ZNF257: variants seen among roughly 807,000 people sequenced by gnomAD.
ZNF257 encodes the protein bone marrow zinc finger 4.
ZNF257 carries 12 observed loss-of-function variants against 11.9 expected under a neutral mutation model. The ratio of observed to expected loss-of-function variants is 1.01; its 90% CI spans 0.65 to 1.63. The LOEUF (loss-of-function observed/expected upper bound fraction) is 1.63, where lower values mean the gene tolerates loss of function less well. ZNF257 is among the 40% of genes most tolerant of loss of function. The pLI is 0.00. For missense variants in ZNF257, 580 were observed against 665.5 expected (o/e 0.87, Z 1.41); for synonymous variants, 183 against 222.7 (o/e 0.82, Z 1.59).
At chr19:22,064,176 T>C (rs1568481857) in intron 1 of ZNF257, 1 of 152,224 alleles carries the variant, frequency 6.6e-6, no homozygotes, top group Non-Finnish European at 1.5e-5. Context: ...CAAGAACACG[T>C]CCAGAAAACC....
intron 1 of ZNF257, among the ~76,000 whole-genome samples, chr19:22,054,074 T>TC (rs147379303): frequency 0.23 from 34,635 of 149,496 alleles, 5,382 homozygotes; most frequent in African/African-American, 0.45. Flanking sequence ...GATTTGTTTT[T>TC]CTTTTTTTTT....
intron 3 of ZNF257, among the ~76,000 whole-genome samples, chr19:22,082,655 A>G (rs889354130): frequency 2.6e-5 from 4 of 152,164 alleles, no homozygotes; most frequent in Non-Finnish European, 5.9e-5. Context: ...ATTTTCAAGT[A>G]AACTCTGTAT....
chr19:22,090,508 A>G lies in ZNF257; in HGVS notation c.*1066A>G, dbSNP rs906485048. The G allele has an allele frequency of 6.6e-6, 1 of 152,170 alleles. No individual in the cohort carries two copies. The highest frequency in any genetic ancestry group is 6.5e-5 in the Admixed American group (1 of 15,278). The allele number at this position is 152,170 out of a possible 1,614,324, so 9.4% of individuals were successfully genotyped here. ...TACTTTTGCAGATGCAATAAATACA[A>G]AGAAATATTTAATTCAAATTGAGTT... On this transcript the variant is annotated 3_prime_UTR_variant, in exon 4 of 4. Coordinates refer to ENST00000594947, the MANE Select transcript of ZNF257 (RefSeq NM_033468.4).
rs2022616533 is a variant in ZNF257, at chr19:22,091,161, G to A, written c.*1719G>A. ...TAAATATTTTCTTTTACCACGTTAA[G>A]ACTATTGTACGTTCAGGCCGGGCAC... On this transcript the variant is annotated 3_prime_UTR_variant, in exon 4 of 4. Coordinates refer to ENST00000594947, the MANE Select transcript of ZNF257 (RefSeq NM_033468.4). 1 of 151,948 alleles carries A rather than the reference G, an allele frequency of 6.6e-6. No individual in the cohort carries two copies. The highest frequency in any genetic ancestry group is 2.1e-4 in the South Asian group (1 of 4,824). The allele number at this position is 151,948 out of a possible 1,614,324, so 9.4% of individuals were successfully genotyped here.
At position 22,089,426 on chromosome 19, in the gene ZNF257, C is replaced by G; in HGVS notation, c.1676C>G (p.Thr559Ser). ...GCTTGTAACCATTCCTCAAACCTTACTAAACATAATTCATAATGGAGAAAA... is the reference window on the plus strand; with the variant it reads ...GCTTGTAACCATTCCTCAAACCTTAGTAAACATAATTCATAATGGAGAAAA... ...GKACNHSSNL[T>S]KHNS Residue 559 changes from threonine (T) to serine (S), a missense_variant, in exon 4 of 4, where the codon ACT becomes AGT. Transcript: ENST00000594947. 10 of 1,608,600 alleles carry G rather than the reference C, an allele frequency of 6.2e-6. No individual in the cohort carries two copies. Among genetic ancestry groups the G allele is most frequent in the Non-Finnish European group, 8.5e-6 (10 of 1,177,320 alleles).
chr19:22,078,735 T>C (rs1369006215), intron 3 of ZNF257, among the ~76,000 whole-genome samples: 1 of 151,950 alleles, frequency 6.6e-6, no homozygotes, highest in African/African-American at 2.4e-5. Context: ...ATTTTTCATA[T>C]ATGGTTCAAG....
At chr19:22,082,053 A>T (rs1348441962) in intron 3 of ZNF257, among the ~76,000 whole-genome samples, 1 of 150,988 alleles carries the variant, frequency 6.6e-6, no homozygotes, top group African/African-American at 2.5e-5. Context: ...TACATAAAAC[A>T]TCTTAAGGTT....
intron 1 of ZNF257, among the ~76,000 whole-genome samples, chr19:22,054,732 A>G (rs2021579803): frequency 2.0e-5 from 3 of 152,218 alleles, no homozygotes; most frequent in East Asian, 3.9e-4. Context: ...TTGTATAGGC[A>G]CAGAGATCTT....
chr19:22,088,731 G>A lies in ZNF257; in HGVS notation c.981G>A (p.Gln327=). 1.2e-6 allele frequency: 2 copies of A among 1,611,980 alleles called. No homozygotes were observed. Among genetic ancestry groups the A allele is most frequent in the Non-Finnish European group, 8.5e-7 (1 of 1,179,584 alleles). Residue 327 remains glutamine (Q), a synonymous_variant, in exon 4 of 4, where the codon CAG becomes CAA. Transcript: ENST00000594947. Reference sequence around the variant, plus strand: ...AAGAGTGTGGCAAAGCCTTTAACCAGTCCTCAGCCCTTACTCGACATAAGA... The same window carrying A: ...AAGAGTGTGGCAAAGCCTTTAACCAATCCTCAGCCCTTACTCGACATAAGA... ...KCEECGKAFN[Q]SSALTRHKMI... is the part of the protein sequence containing the mutation.
chr19:22,065,639 T>A lies in ZNF257; in HGVS notation c.4-7170T>A, dbSNP rs958791208. On this transcript the variant is annotated intron_variant, in intron 1 of 3. Coordinates refer to ENST00000594947, the MANE Select transcript of ZNF257 (RefSeq NM_033468.4). Reference sequence around the variant, plus strand: ...GATATTAGTCTGAAATGCTTATTTATCTAATAGGGATAACTCTAGGTAAGC... The same window carrying A: ...GATATTAGTCTGAAATGCTTATTTAACTAATAGGGATAACTCTAGGTAAGC... Among the ~76,000 whole-genome samples the A allele has an allele frequency of 2.5e-3, 384 of 152,320 alleles. 2 individuals carry two copies. Among genetic ancestry groups the A allele is most frequent in the African/African-American group, 8.9e-3 (371 of 41,570 alleles).
intron 1 of ZNF257, among the ~76,000 whole-genome samples, chr19:22,072,566 T>G (rs545255806): frequency 6.6e-6 from 1 of 152,276 alleles, no homozygotes; most frequent in East Asian, 1.9e-4. Flanking sequence ...CATTTGACCT[T>G]GAGACATTAA....
chr19:22,086,855 G>A (rs753709667), intron 3 of ZNF257, among the ~76,000 whole-genome samples: 30 of 151,694 alleles, frequency 2.0e-4, no homozygotes, highest in Middle Eastern at 6.8e-3. Context: ...AGATTGTCTC[G>A]TCTGTGACAT....
chr19:22,085,238 G>GACCA (rs1472684299), intron 3 of ZNF257, among the ~76,000 whole-genome samples: 1 of 149,748 alleles, frequency 6.7e-6, no homozygotes, highest in Admixed American at 6.7e-5. Flanking sequence ...TTTCAGTAGA[G>GACCA]ACCACCACAC....
intron 1 of ZNF257, among the ~76,000 whole-genome samples, chr19:22,061,884 A>G (rs1170945625): frequency 1.3e-5 from 2 of 151,136 alleles, no homozygotes; most frequent in African/African-American, 4.9e-5. Context: ...TTTTTGTTGC[A>G]TCTATTGAGA....
chr19:22,062,993 G>C (rs1028238561), intron 1 of ZNF257, among the ~76,000 whole-genome samples: 1 of 152,218 alleles, frequency 6.6e-6, no homozygotes, highest in African/African-American at 2.4e-5. Flanking sequence ...TGGATGGTAG[G>C]CTATATATTA....
At chr19:22,055,413 C>T (rs2021603995) in intron 1 of ZNF257, among the ~76,000 whole-genome samples, 1 of 152,050 alleles carries the variant, frequency 6.6e-6, no homozygotes, top group Middle Eastern at 3.2e-3. Context: ...GCCATGTTGG[C>T]CAGGCTGGTC....
At chr19:22,057,237 T>C (rs1254884813) in intron 1 of ZNF257, among the ~76,000 whole-genome samples, 1 of 152,214 alleles carries the variant, frequency 6.6e-6, no homozygotes, top group Non-Finnish European at 1.5e-5. Flanking sequence ...ATGAGTACTA[T>C]GTTTGATAAT....
chr19:22,057,431 C>G (rs8110975), intron 1 of ZNF257, among the ~76,000 whole-genome samples: 19,641 of 152,050 alleles, frequency 0.13, 1,453 homozygotes, highest in Middle Eastern at 0.2. Flanking sequence ...ATGGAAGAAG[C>G]CTTTATCCTG....
chr19:22,067,538 A>T (rs2021985734), intron 1 of ZNF257, among the ~76,000 whole-genome samples: 1 of 152,104 alleles, frequency 6.6e-6, no homozygotes, highest in South Asian at 2.1e-4. Context: ...ACAGAGAGAC[A>T]TTAAAATGAG....
Sources: gnomAD v4.1 joint callset for allele counts (sites outside exome capture counted in the v4.1 genomes callset) on GRCh38, gnomAD v4.1.1 for gene constraint, MANE v1.5 for transcripts, NCBI Gene and HGNC (gene_info 2026-07-23, HGNC 2026-07-21) for gene names.